The following PKHD1 variants were observed in gnomAD, a reference collection of about 807,000 sequenced individuals.
PKHD1 encodes the protein PKHD1 ciliary IPT domain containing fibrocystin/polyductin, also known as fibrocystin.
PKHD1 carries 291 observed loss-of-function variants against 412.0 expected under a neutral mutation model. That is an observed-to-expected ratio of 0.71 (90% confidence interval 0.64 to 0.78). The LOEUF is 0.78. Ranked by LOEUF, PKHD1 falls within the 30% of genes least tolerant of loss-of-function variation. PKHD1 has a pLI of 0.00. For missense variants in PKHD1, 4,825 were observed against 4,950.7 expected (o/e 0.97, Z 0.76); for synonymous variants, 1,777 against 1,821.5 (o/e 0.98, Z 0.62).
chr6:51,753,344 T>A lies in PKHD1; in HGVS notation c.8807A>T (p.His2936Leu). 5 of 1,613,680 alleles carry A rather than the reference T, an allele frequency of 3.1e-6. No individual in the cohort carries two copies. The highest frequency in any genetic ancestry group is 4.2e-6 in the Non-Finnish European group (5 of 1,179,730). ...AATGTGTCGGCCATCCTCCGTGACA[T>A]GTACACTTCCTGGGGCAATAGGAGT... ...RLKHRHIGSV[H>L]VTEDGRHIRL... is the part of the protein sequence containing the mutation. Residue 2936 changes from histidine (H) to leucine (L), a missense_variant, in exon 57 of 67, where the codon CAT (histidine) becomes CTT (leucine). Physicochemically the swap from His to Leu is moderately conservative, Grantham distance 99. Transcript: ENST00000371117.
chr6:51,956,895 G>C (rs996336556), intron 36 of PKHD1, among the ~76,000 whole-genome samples: 2 of 152,016 alleles, frequency 1.3e-5, no homozygotes, highest in African/African-American at 2.4e-5. Context: ...GGGGATCAGA[G>C]GTTAAATAAT....
intron 45 of PKHD1, among the ~76,000 whole-genome samples, chr6:51,884,381 A>G (rs571718811): frequency 2.0e-5 from 3 of 152,272 alleles, no homozygotes; most frequent in Admixed American, 1.3e-4. Context: ...ATTGACATAT[A>G]TATCTATCTT....
At chr6:51,682,169 A>G in intron 60 of PKHD1, 1 of 452,330 alleles carries the variant, frequency 2.2e-6, no homozygotes, top group South Asian at 1.6e-5. Context: ...TTTTCCTCCG[A>G]ACATATATAC....
At chr6:51,943,537 C>G (rs1788926065) in intron 36 of PKHD1, among the ~76,000 whole-genome samples, 1 of 151,626 alleles carries the variant, frequency 6.6e-6, no homozygotes, top group Non-Finnish European at 1.5e-5. Flanking sequence ...CTGATATCTC[C>G]TGGTGCTATC....
intron 60 of PKHD1, among the ~76,000 whole-genome samples, chr6:51,719,794 C>T (rs1781693825): frequency 6.6e-6 from 1 of 152,092 alleles, no homozygotes; most frequent in African/African-American, 2.4e-5. Context: ...AATTTATAAA[C>T]AAAGCAAGGT....
chr6:51,772,059 T>C (rs1166982449), intron 55 of PKHD1, among the ~76,000 whole-genome samples: 2 of 152,144 alleles, frequency 1.3e-5, no homozygotes, highest in South Asian at 2.1e-4. Context: ...ATTTCAGTTA[T>C]AGTGTTCATT....
chr6:51,851,139 A>G (rs548428372), intron 49 of PKHD1, among the ~76,000 whole-genome samples: 1 of 152,276 alleles, frequency 6.6e-6, no homozygotes, highest in Non-Finnish European at 1.5e-5. Flanking sequence ...CCCTTTCTGC[A>G]TCTATTGAAA....
intron 18 of PKHD1, 48 bp from the exon 19 acceptor site, chr6:52,055,777 A>T: frequency 1.9e-6 from 3 of 1,597,824 alleles, no homozygotes; most frequent in Non-Finnish European, 2.6e-6. Flanking sequence ...GATATTAAAA[A>T]AGACAGAGCT....
At position 52,073,618 on chromosome 6, in the gene PKHD1, T is replaced by C. The variant is rs1013932366; in HGVS notation, c.449-77A>G. On this transcript the variant is annotated intron_variant, in intron 6 of 66. Coordinates refer to ENST00000371117, the MANE Select transcript of PKHD1 (RefSeq NM_138694.4). ...TATAATAAAAAACCATGTTTCTTTT[T>C]GGTTGTATATACTCAATATGGCAAA... 20 of 876,360 alleles carry C rather than the reference T, an allele frequency of 2.3e-5. 1 individual carries two copies. In the Admixed American group the frequency reaches 3.1e-4, roughly 14 times the overall value. 54.3% of individuals were successfully genotyped at this position (876,360 alleles called of 1,614,324 possible).
chr6:51,778,480 C>A (rs906506090), intron 53 of PKHD1, among the ~76,000 whole-genome samples: 2 of 151,808 alleles, frequency 1.3e-5, no homozygotes, highest in African/African-American at 4.8e-5. Flanking sequence ...CGAAGTTGGG[C>A]CTTAGACTTA....
rs984899987 is a variant in PKHD1 at position 52,048,669 on chromosome 6, C to T, written c.2280-50G>A. ...TTAACGTCTGGGTTGGGGTGTGCAC[C>T]TAGGAGGACCTTGTCTGAAGGATGT... is the stretch of plus-strand genomic sequence containing the variant. On this transcript the variant is annotated intron_variant, in intron 22 of 66. Coordinates refer to ENST00000371117, the MANE Select transcript of PKHD1 (RefSeq NM_138694.4). The T allele has an allele frequency of 4.3e-6, 7 of 1,609,654 alleles. No individual in the cohort carries two copies. The South Asian group carries it at 4.4e-5, about 10-fold the overall frequency.
At chr6:51,642,067 T>A (rs1229289604) in intron 63 of PKHD1, among the ~76,000 whole-genome samples, 1 of 152,008 alleles carries the variant, frequency 6.6e-6, no homozygotes, top group African/African-American at 2.4e-5. Context: ...AATAGATAAA[T>A]AAATAAAGAG....
intron 66 of PKHD1, among the ~76,000 whole-genome samples, chr6:51,623,790 T>C (rs752451166): frequency 2.0e-5 from 3 of 152,124 alleles, no homozygotes; most frequent in Non-Finnish European, 2.9e-5. Context: ...TTTCACCACA[T>C]TGGCTAGGCT....
chr6:52,026,025 G>A lies in PKHD1; in HGVS notation c.3785C>T (p.Ala1262Val), dbSNP rs9296669. 0.5 allele frequency: 803,535 copies of A among 1,613,692 alleles called. 208,329 individuals are homozygous for A. The highest frequency in any genetic ancestry group is 0.61 in the Admixed American group (36,751 of 59,990). Residue 1262 changes from alanine (A) to valine (V), a missense_variant, in exon 32 of 67, where the codon GCT becomes GTT. Coordinates refer to ENST00000371117, the MANE Select transcript of PKHD1 (RefSeq NM_138694.4). The stretch of plus-strand genomic sequence containing the variant: ...CTCCACGGCAGCTGGAACAGTGGGA[G>A]CGCCCGCATCGGGTATCTGGGGGGC... ...LPAPQIPDAG[A>V]PTVPAAVEVW...
At position 51,666,508 on chromosome 6, in the gene PKHD1, C is replaced by T. The variant is rs146046072; in HGVS notation, c.10157-6539G>A. Among the ~76,000 whole-genome samples the T allele has an allele frequency of 5.9e-3, 896 of 152,124 alleles. 2 individuals carry two copies. The highest frequency in any genetic ancestry group is 9.0e-3 in the Non-Finnish European group (609 of 67,964). On this transcript the variant is annotated intron_variant, in intron 60 of 66. Coordinates refer to ENST00000371117, the MANE Select transcript of PKHD1 (RefSeq NM_138694.4). ...AGTTTAGAAGAATTTGTTTCAGCTT[C>T]GCAACTCATTATTGGTATGTGCAAA... is the stretch of plus-strand genomic sequence containing the variant.
At chr6:51,840,816 C>T (rs1467532202) in intron 50 of PKHD1, among the ~76,000 whole-genome samples, 2 of 152,064 alleles carry the variant, frequency 1.3e-5, no homozygotes, top group Non-Finnish European at 2.9e-5. Flanking sequence ...TCAATTATAC[C>T]AAACCCTTAC....
At chr6:51,744,034 G>C (rs1026201151) in intron 60 of PKHD1, among the ~76,000 whole-genome samples, 1 of 152,214 alleles carries the variant, frequency 6.6e-6, no homozygotes, top group Non-Finnish European at 1.5e-5. Flanking sequence ...AAAGGAGCTG[G>C]TTCCATGGCA....
chr6:52,043,240 T>A (rs1805222638), intron 26 of PKHD1, 106 bp from the exon 27 acceptor site: 3 of 879,642 alleles, frequency 3.4e-6, no homozygotes, highest in Non-Finnish European at 5.2e-6. Context: ...TCTGCCCCCA[T>A]CCCCTCCCAA....
intron 46 of PKHD1, among the ~76,000 whole-genome samples, chr6:51,871,244 A>T (rs1282915544): frequency 6.6e-6 from 1 of 152,234 alleles, no homozygotes; most frequent in Non-Finnish European, 1.5e-5. Context: ...TAACAGTTCC[A>T]TTTATAATCA....
Sources: allele counts gnomAD v4.1 joint callset (sites outside exome capture counted in the v4.1 genomes callset), GRCh38; gene constraint gnomAD v4.1.1; transcripts MANE v1.5; gene names NCBI Gene and HGNC (gene_info 2026-07-23, HGNC 2026-07-21).